The following STK38L variants were observed in gnomAD, a reference collection of about 807,000 sequenced individuals.
STK38L encodes serine/threonine kinase 38 like, also known as serine/threonine-protein kinase 38-like.
STK38L carries 28 observed loss-of-function variants against 59.7 expected under a neutral mutation model. That is an observed-to-expected ratio of 0.47 (90% CI 0.35 to 0.64). The LOEUF is 0.64. Among genes scored for constraint, STK38L ranks in the 30% least tolerant of loss-of-function variants. The pLI, the probability that STK38L is intolerant of heterozygous loss-of-function variation, is 0.01. For missense variants in STK38L, 314 were observed against 555.8 expected, an observed-to-expected ratio of 0.56 and a Z score of 4.37; for synonymous variants, 162 against 176.8, an observed-to-expected ratio of 0.92 and a Z score of 0.66.
At chr12:27,272,430 G>A (rs972436384) in intron 1 of STK38L, among the ~76,000 whole-genome samples, 2 of 152,120 alleles carry the variant, frequency 1.3e-5, no homozygotes, top group Non-Finnish European at 2.9e-5. Context: ...ATTATGCTTT[G>A]TTTTCCTTTT....
intron 1 of STK38L, among the ~76,000 whole-genome samples, chr12:27,271,570 C>T (rs1943423789): frequency 6.6e-6 from 1 of 152,116 alleles, no homozygotes; most frequent in Non-Finnish European, 1.5e-5. Context: ...TTAAATATTC[C>T]ACAGAGGACT....
At chr12:27,267,121 A>C (rs1339604125) in intron 1 of STK38L, among the ~76,000 whole-genome samples, 2 of 152,212 alleles carry the variant, frequency 1.3e-5, no homozygotes, top group Non-Finnish European at 2.9e-5. Flanking sequence ...TGAAATCTAT[A>C]CATTGTTTCA....
At chr12:27,273,049 T>A (rs1943457628) in intron 1 of STK38L, among the ~76,000 whole-genome samples, 1 of 152,164 alleles carries the variant, frequency 6.6e-6, no homozygotes, top group Non-Finnish European at 1.5e-5. Flanking sequence ...CTTACTGATT[T>A]TTTTCTTTTT....
intron 1 of STK38L, among the ~76,000 whole-genome samples, chr12:27,266,843 C>A (rs1436783295): frequency 6.6e-6 from 1 of 152,166 alleles, no homozygotes; most frequent in Non-Finnish European, 1.5e-5. Flanking sequence ...AAAAAGATTC[C>A]GGAGTCAAGA....
At chr12:27,320,686 T>C (rs12830757) in intron 12 of STK38L, among the ~76,000 whole-genome samples, 19,728 of 152,110 alleles carry the variant, frequency 0.13, 1,519 homozygotes, top group Middle Eastern at 0.24. Flanking sequence ...ATATAAGCTC[T>C]ATAAAATAGG....
chr12:27,278,193 C>A (rs550889064), intron 1 of STK38L, among the ~76,000 whole-genome samples: 14 of 152,204 alleles, frequency 9.2e-5, no homozygotes, highest in Non-Finnish European at 1.9e-4. Flanking sequence ...AAGTGTAGCC[C>A]AGCCTTGATT....
intron 3 of STK38L, among the ~76,000 whole-genome samples, chr12:27,302,658 A>T (rs1161861101): frequency 6.6e-6 from 1 of 152,072 alleles, no homozygotes; most frequent in Non-Finnish European, 1.5e-5. Context: ...AGATTTGATC[A>T]TCTTACTCTT....
intron 2 of STK38L, 106 bp from the exon 3 acceptor site, chr12:27,302,031 T>TA: frequency 1.3e-6 from 1 of 774,764 alleles, no homozygotes; most frequent in Non-Finnish European, 1.9e-6. Context: ...TTTTTTTTTT[T>TA]AGCCTAGCAA....
At chr12:27,317,498 T>G (rs773944728) in intron 10 of STK38L, 45 bp downstream of exon 10, 1 of 1,413,620 alleles carries the variant, frequency 7.1e-7, no homozygotes, top group Non-Finnish European at 9.8e-7. Context: ...TACATTTCCT[T>G]GAGTGCCATT....
chr12:27,248,802 A>G (rs1195012834), intron 1 of STK38L, among the ~76,000 whole-genome samples: 1 of 152,244 alleles, frequency 6.6e-6, no homozygotes, highest in African/African-American at 2.4e-5. Context: ...GATTTAAAGC[A>G]CGTGTGTTTA....
chr12:27,263,214 C>G (rs1000850458), intron 1 of STK38L, among the ~76,000 whole-genome samples: 11 of 152,172 alleles, frequency 7.2e-5, no homozygotes, highest in Non-Finnish European at 1.2e-4. Context: ...ATATGGGGCA[C>G]TACGACTATG....
chr12:27,291,327 C>A (rs1431008106), intron 1 of STK38L, among the ~76,000 whole-genome samples: 1 of 152,144 alleles, frequency 6.6e-6, no homozygotes. Flanking sequence ...CCTTACAGCT[C>A]TTCCTCCTCT....
rs147381886 is a variant in STK38L, at chr12:27,253,785, A to G, written c.-12+9453A>G. 3.6e-3 allele frequency among the ~76,000 whole-genome samples: 543 copies of G among 152,352 alleles called. 3 individuals are homozygous for G. The highest frequency in any genetic ancestry group is 0.013 in the African/African-American group (524 of 41,590). ...GTATTATCACATAGTGATGTAAGAC[A>G]CGAAGCATATTAGGGGGCCACAGGA... is the stretch of plus-strand genomic sequence containing the variant. On this transcript the variant is annotated intron_variant, in intron 1 of 13. Transcript: ENST00000389032.
chr12:27,270,433 A>G (rs1943399441), intron 1 of STK38L, among the ~76,000 whole-genome samples: 1 of 152,074 alleles, frequency 6.6e-6, no homozygotes, highest in African/African-American at 2.4e-5. Flanking sequence ...GCTGGAGTGC[A>G]GTGGCGTGAT....
intron 1 of STK38L, among the ~76,000 whole-genome samples, chr12:27,266,837 A>AG (rs748834741): frequency 4.6e-5 from 7 of 152,228 alleles, no homozygotes; most frequent in Non-Finnish European, 8.8e-5. Flanking sequence ...TGTGTAAAAA[A>AG]GATTCCGGAG....
chr12:27,258,731 T>G (rs949760163), intron 1 of STK38L, among the ~76,000 whole-genome samples: 1 of 152,260 alleles, frequency 6.6e-6, no homozygotes, highest in Non-Finnish European at 1.5e-5. Flanking sequence ...TAAATTTTAT[T>G]TGTTACAGTT....
intron 1 of STK38L, among the ~76,000 whole-genome samples, chr12:27,296,533 C>T (rs2136637766): frequency 6.6e-6 from 1 of 152,340 alleles, no homozygotes; most frequent in South Asian, 2.1e-4. Flanking sequence ...ATCTAGTCCA[C>T]TTCAGGTCCA....
chr12:27,263,615 A>G (rs1943246575), intron 1 of STK38L, among the ~76,000 whole-genome samples: 1 of 152,180 alleles, frequency 6.6e-6, no homozygotes, highest in Non-Finnish European at 1.5e-5. Flanking sequence ...GTCCTTTAGG[A>G]TGGAGCTTTG....
chr12:27,287,824 C>G (rs1370555719), intron 1 of STK38L, among the ~76,000 whole-genome samples: 2 of 152,162 alleles, frequency 1.3e-5, no homozygotes, highest in Non-Finnish European at 2.9e-5. Flanking sequence ...TCCTCTTCTC[C>G]TCTTCCCATA....
Sources: allele counts gnomAD v4.1 joint callset (sites outside exome capture counted in the v4.1 genomes callset), GRCh38; gene constraint gnomAD v4.1.1; transcripts MANE v1.5; gene names NCBI Gene and HGNC (gene_info 2026-07-23, HGNC 2026-07-21).